The following RAB17 variants were observed in gnomAD, a reference collection of about 807,000 sequenced individuals.
RAB17 encodes RAB17, member RAS oncogene family.
In RAB17, 15 loss-of-function variants were observed where a neutral mutation model predicts 19.3. The observed-to-expected ratio is 0.78, with a 90% CI of 0.52 to 1.20. RAB17 has a LOEUF of 1.20. RAB17 is among the 50% of genes most tolerant of loss of function. The pLI is 0.00. For missense variants in RAB17, 262 were observed against 269.3 expected, an observed-to-expected ratio of 0.97 and a Z score of 0.19; for synonymous variants, 110 against 112.8, an observed-to-expected ratio of 0.97 and a Z score of 0.16.
intron 2 of RAB17, among the ~76,000 whole-genome samples, chr2:237,583,192 G>A (rs1355997490): frequency 2.0e-5 from 3 of 152,136 alleles, no homozygotes; most frequent in Non-Finnish European, 4.4e-5. Context: ...ATAAAAATTA[G>A]CTGGCTATGG....
rs534410098 is a variant in RAB17, at chr2:237,577,150, C to T, written c.435+107G>A. 2.8e-5 allele frequency: 38 copies of T among 1,344,572 alleles called. No individual in the cohort carries two copies. The African/African-American group carries it at 3.4e-4, about 12-fold the overall frequency. 83.3% of individuals were successfully genotyped at this position (1,344,572 alleles called of 1,614,324 possible). On this transcript the variant is annotated intron_variant, in intron 4 of 5. Transcript: ENST00000264601. ...GTGTGTGCACATGTGTAAGTGTGTG[C>T]GTGTGTGGGTGTGCGTGTATGAAAG...
At chr2:237,583,135 G>A (rs116356278) in intron 2 of RAB17, among the ~76,000 whole-genome samples, 146 of 152,050 alleles carry the variant, frequency 9.6e-4, no homozygotes, top group African/African-American at 3.3e-3. Flanking sequence ...AACATAGGCC[G>A]GGTGCAGTGG....
In RAB17 at chr2:237,586,135, G is replaced by T. The variant is rs763014210; in HGVS notation, c.20C>A (p.Thr7Asn). The T allele has an allele frequency of 1.1e-5, 18 of 1,604,420 alleles. No homozygotes were observed. Among genetic ancestry groups the T allele is most frequent in the Non-Finnish European group, 1.5e-5 (18 of 1,176,376 alleles). MAQAHR[T>N]PQPRAAPSQP... ...GCTGGGGGCAGCCCTGGGCTGGGGG[G>T]TCCTGTGTGCCTGTGCCATGCCCTG... Residue 7 changes from threonine to asparagine, a missense_variant, in exon 2 of 6, where the codon ACC (threonine) becomes AAC (asparagine). Thr to Asn is a moderately conservative substitution (Grantham distance 65). Transcript: ENST00000264601.
chr2:237,584,876 G>A (rs1328366807), intron 2 of RAB17, among the ~76,000 whole-genome samples: 1 of 152,148 alleles, frequency 6.6e-6, no homozygotes, highest in Admixed American at 6.5e-5. Context: ...TGGAGAAGAG[G>A]ATTGTACTGC....
intron 4 of RAB17, among the ~76,000 whole-genome samples, chr2:237,576,975 G>A (rs980241527): frequency 1.3e-5 from 2 of 152,174 alleles, no homozygotes; most frequent in Non-Finnish European, 2.9e-5. Context: ...TTTCAGGAAA[G>A]ACCGGAAATC....
intron 1 of RAB17, among the ~76,000 whole-genome samples, chr2:237,587,693 C>T (rs1458025907): frequency 6.6e-6 from 1 of 152,118 alleles, no homozygotes; most frequent in Non-Finnish European, 1.5e-5. Context: ...AAGGGTTCCA[C>T]ATAGTAGACT....
intron 2 of RAB17, chr2:237,585,500 A>G (rs1237582027): frequency 1.1e-5 from 1 of 91,238 alleles, no homozygotes; most frequent in Non-Finnish European, 2.8e-5. Context: ...CCCACCCCCA[A>G]AATGATCTTC....
chr2:237,585,982 C>T lies in RAB17; in HGVS notation c.157+16G>A. ...TGCACTGAAGACCAACAAAGGGGTG[C>T]TCTGCCCTCACTTACAGCCCACCGT... is the stretch of plus-strand genomic sequence containing the variant. On this transcript the variant is annotated intron_variant, in intron 2 of 5. Coordinates refer to ENST00000264601, the MANE Select transcript of RAB17 (RefSeq NM_022449.4). The T allele has an allele frequency of 6.3e-7, 1 of 1,587,164 alleles. No homozygotes were observed. The highest frequency in any genetic ancestry group is 8.6e-7 in the Non-Finnish European group (1 of 1,166,424).
chr2:237,575,200 C>A, intron 5 of RAB17, 72 bp from the exon 6 acceptor site: 2 of 1,309,196 alleles, frequency 1.5e-6, no homozygotes, highest in African/African-American at 1.5e-5. Context: ...TGCAGACCAG[C>A]CACCCCAGGA....
chr2:237,581,030 C>T (rs1191604727), intron 2 of RAB17, among the ~76,000 whole-genome samples: 3 of 152,186 alleles, frequency 2.0e-5, no homozygotes, highest in African/African-American at 4.8e-5. Context: ...ATTATCATAA[C>T]CTTTTTCAGA....
chr2:237,588,159 C>T (rs1379022486), intron 1 of RAB17, among the ~76,000 whole-genome samples: 2 of 152,124 alleles, frequency 1.3e-5, no homozygotes, highest in African/African-American at 2.4e-5. Context: ...GAGGTGGGGC[C>T]TAATGGAAGG....
At chr2:237,585,924 C>A in intron 2 of RAB17, 74 bp downstream of exon 2, 1 of 1,461,912 alleles carries the variant, frequency 6.8e-7, no homozygotes, top group Non-Finnish European at 9.2e-7. Flanking sequence ...TCGTCCCCAT[C>A]TGCCCCAGGT....
At chr2:237,577,521 G>C in intron 3 of RAB17, 139 bp from the exon 4 acceptor site, 1 of 991,210 alleles carries the variant, frequency 1.0e-6, no homozygotes, top group Admixed American at 2.7e-5. Context: ...CACCTGCAGG[G>C]CTGCTCCGTT....
chr2:237,587,843 A>G (rs913372793), intron 1 of RAB17, among the ~76,000 whole-genome samples: 1 of 140,552 alleles, frequency 7.1e-6, no homozygotes, highest in Admixed American at 6.7e-5. Flanking sequence ...AAAAAAAAAA[A>G]AAAGAAAAGA....
chr2:237,588,088 G>T (rs1036355877), intron 1 of RAB17, among the ~76,000 whole-genome samples: 1 of 152,144 alleles, frequency 6.6e-6, no homozygotes, highest in Admixed American at 6.5e-5. Flanking sequence ...GCCAGCTATG[G>T]TTTGCATGGA....
chr2:237,590,251 G>C (rs1411501799), intron 1 of RAB17, among the ~76,000 whole-genome samples: 1 of 151,922 alleles, frequency 6.6e-6, no homozygotes, highest in Non-Finnish European at 1.5e-5. Flanking sequence ...GACTTAGTGA[G>C]CCATCAGAAA....
intron 1 of RAB17, among the ~76,000 whole-genome samples, chr2:237,589,395 G>A (rs12616673): frequency 3.9e-5 from 6 of 151,914 alleles, no homozygotes; most frequent in East Asian, 3.9e-4. Context: ...ATTATTATCC[G>A]ATGGGTAAGA....
At position 237,578,930 on chromosome 2, in the gene RAB17, CACACACACACAA is replaced by C. The variant is rs1404333287; in HGVS notation, c.158-787_158-776del. Reference sequence around the variant, plus strand: ...ACACACACACACACACACACACACACACACACACACAACTACTCCCAAGCACTTTAACATATT... The same window carrying C: ...ACACACACACACACACACACACACACCTACTCCCAAGCACTTTAACATATT... On this transcript the variant is annotated intron_variant, in intron 2 of 5. Coordinates refer to ENST00000264601, the MANE Select transcript of RAB17 (RefSeq NM_022449.4). The C allele has an allele frequency of 5.3e-5, 8 of 150,970 alleles. No homozygotes were observed. The East Asian group carries it at 1.3e-3, about 25-fold the overall frequency. The allele number at this position is 150,970 out of a possible 1,614,324, so 9.4% of individuals were successfully genotyped here.
intron 2 of RAB17, 41 bp downstream of exon 2, chr2:237,585,950 AGACTTCT>A: frequency 6.6e-7 from 1 of 1,524,244 alleles, no homozygotes; most frequent in African/African-American, 1.4e-5. Context: ...TCAGCAGCCC[AGACTTCT>A]GCACTGAAGA....
Sources: allele counts gnomAD v4.1 joint callset (sites outside exome capture counted in the v4.1 genomes callset), GRCh38; gene constraint gnomAD v4.1.1; transcripts MANE v1.5; gene names NCBI Gene and HGNC (gene_info 2026-07-23, HGNC 2026-07-21).